CEP68: variants seen among roughly 807,000 people sequenced by gnomAD.
CEP68 encodes the protein centrosomal protein 68, also known as centrosomal protein of 68 kDa.
A neutral mutation model predicts 55.3 loss-of-function variants in CEP68; 26 were observed. The ratio of observed to expected loss-of-function variants is 0.47; its 90% CI spans 0.34 to 0.65. The LOEUF is 0.65. CEP68 is among the 30% of genes least tolerant of loss of function. The pLI is 0.01. For missense variants in CEP68, 957 were observed against 946.7 expected (o/e 1.01, Z -0.14); for synonymous variants, 402 against 383.2 (o/e 1.05, Z -0.57).
At chr2:65,066,059 G>A (rs1397125759) in intron 1 of CEP68, among the ~76,000 whole-genome samples, 9 of 152,080 alleles carry the variant, frequency 5.9e-5, no homozygotes, top group Non-Finnish European at 8.8e-5. Context: ...GGTGTAAGGA[G>A]GGAACCAATC....
chr2:65,075,392 G>A (rs1438106763), intron 4 of CEP68: 1 of 152,132 alleles, frequency 6.6e-6, no homozygotes, highest in Non-Finnish European at 1.5e-5. Context: ...CACAGACCGA[G>A]ACCGTCTCAA....
chr2:65,077,935 T>G lies in CEP68; in HGVS notation c.2075T>G (p.Leu692Arg), dbSNP rs376693641. Residue 692 changes from leucine (L) to arginine (R), a missense_variant, in exon 5 of 7, where the codon CTT (leucine) becomes CGT (arginine). Physicochemically the swap from Leu to Arg is moderately radical, Grantham distance 102. Transcript: ENST00000377990. Reference sequence around the variant, plus strand: ...AGTGTCTTACAGAAGGGGGAGATTCTTCTTCAGTGCCTGTTGGAGAACACC... The same window carrying G: ...AGTGTCTTACAGAAGGGGGAGATTCGTCTTCAGTGCCTGTTGGAGAACACC... Reference protein sequence around the residue: ...TESVLQKGEILLQCLLENTPV... With the variant: ...TESVLQKGEIRLQCLLENTPV... The G allele has an allele frequency of 5.0e-6, 8 of 1,613,946 alleles. No individual in the cohort carries two copies. The highest frequency in any genetic ancestry group is 5.9e-6 in the Non-Finnish European group (7 of 1,179,830).
chr2:65,067,918 T>A (rs549717658), intron 1 of CEP68, among the ~76,000 whole-genome samples: 1 of 152,074 alleles, frequency 6.6e-6, no homozygotes, highest in African/African-American at 2.4e-5. Context: ...GGAAGGGCCC[T>A]CTTGGATTCC....
At chr2:65,078,026 G>T in intron 5 of CEP68, 62 bp downstream of exon 5, 1 of 1,269,836 alleles carries the variant, frequency 7.9e-7, no homozygotes, top group South Asian at 1.3e-5. Flanking sequence ...CAGGCCCAGG[G>T]ACCGCACTAT....
Position 65,084,245 on chromosome 2 carries a change from T to C in CEP68, c.*611T>C, listed in dbSNP as rs1558571562. 1 of 152,082 alleles carries C rather than the reference T, an allele frequency of 6.6e-6. No individual in the cohort carries two copies. The highest frequency in any genetic ancestry group is 6.6e-5 in the Admixed American group (1 of 15,256). 9.4% of individuals were successfully genotyped at this position (152,082 alleles called of 1,614,324 possible). On this transcript the variant is annotated 3_prime_UTR_variant, in exon 7 of 7. Transcript: ENST00000377990. ...TTGCCATCTTCAGGGCTTACGTCTT[T>C]ACTTTCTTGGCTAACCAGTTTCTTA...
At position 65,086,204 on chromosome 2, in the gene CEP68, C is replaced by G. The variant is rs148010453; in HGVS notation, c.*2570C>G. 5.1e-4 allele frequency: 78 copies of G among 152,350 alleles called. No individual in the cohort carries two copies. The highest frequency in any genetic ancestry group is 1.9e-3 in the African/African-American group (77 of 41,594). The allele number at this position is 152,350 out of a possible 1,614,324, so 9.4% of individuals were successfully genotyped here. On this transcript the variant is annotated 3_prime_UTR_variant, in exon 7 of 7. Coordinates refer to ENST00000377990, the MANE Select transcript of CEP68 (RefSeq NM_015147.3). ...GGTCGAAGAATAGGAAATTACTGCTCAGACCACAATGACTATCATTCTGAA... is the reference window on the plus strand; with the variant it reads ...GGTCGAAGAATAGGAAATTACTGCTGAGACCACAATGACTATCATTCTGAA...
At chr2:65,078,572 CT>C (rs1676868249) in intron 5 of CEP68, among the ~76,000 whole-genome samples, 1 of 152,182 alleles carries the variant, frequency 6.6e-6, no homozygotes, top group Admixed American at 6.5e-5. Context: ...GAGTTTCGCT[CT>C]TGTTGCCAAG....
At position 65,072,084 on chromosome 2, in the gene CEP68, C is replaced by T. The variant is rs1397926853; in HGVS notation, c.988C>T (p.Gln330Ter). 6.2e-7 allele frequency: 1 copy of T among 1,613,956 alleles called. No individual in the cohort carries two copies. Among genetic ancestry groups the T allele is most frequent in the Non-Finnish European group, 8.5e-7 (1 of 1,180,014 alleles). ...CCGTGTGCCAGCTGACCCTGTCCTG[C>T]AGGACTCCGGGGTAGACCTGGATAG... ...DSRVPADPVL[Q>*]DSGVDLDSFS... Residue 330 changes from glutamine to a stop codon, truncating the protein, a stop_gained, in exon 3 of 7, where the codon CAG becomes TAG. Transcript: ENST00000377990. LOFTEE classifies it high-confidence loss of function.
chr2:65,081,100 A>G (rs1434409327), intron 5 of CEP68, among the ~76,000 whole-genome samples: 2 of 151,672 alleles, frequency 1.3e-5, no homozygotes, highest in Non-Finnish European at 2.9e-5. Context: ...AATTCCAACT[A>G]CTGGGGAGGA....
intron 1 of CEP68, among the ~76,000 whole-genome samples, chr2:65,068,653 C>G (rs1676310504): frequency 6.6e-6 from 1 of 152,024 alleles, no homozygotes; most frequent in Admixed American, 6.6e-5. Context: ...ATGGTGAAAC[C>G]CTGTCTCTAC....
intron 1 of CEP68, among the ~76,000 whole-genome samples, chr2:65,056,927 G>C (rs1277353392): frequency 6.6e-6 from 1 of 152,224 alleles, no homozygotes; most frequent in Non-Finnish European, 1.5e-5. Context: ...GGCCTCTCCC[G>C]GGCGTGGGCT....
rs1676498166 is a variant in CEP68, at chr2:65,072,072, G to C, written c.976G>C (p.Asp326His). ...PKHLDSRVPA[D>H]PVLQDSGVDL... ...GCACCTTGATAGCCGTGTGCCAGCT[G>C]ACCCTGTCCTGCAGGACTCCGGGGT... The change falls in exon 3 of 7, where the codon GAC becomes CAC. Residue 326 changes from aspartate to histidine, a missense_variant. Physicochemically the swap from Asp to His is moderately conservative, Grantham distance 81. Coordinates refer to ENST00000377990, the MANE Select transcript of CEP68 (RefSeq NM_015147.3). The C allele has an allele frequency of 1.9e-6, 3 of 1,613,974 alleles. No individual in the cohort carries two copies. The highest frequency in any genetic ancestry group is 2.5e-6 in the Non-Finnish European group (3 of 1,179,996).
chr2:65,072,551 C>T lies in CEP68; in HGVS notation c.1455C>T (p.Leu485=), dbSNP rs752833391. The T allele has an allele frequency of 4.3e-6, 7 of 1,614,066 alleles. No homozygotes were observed. The highest frequency in any genetic ancestry group is 2.2e-5 in the East Asian group (1 of 44,882). ...AAAGTGATGACGAGTATCTTGCCCT[C>T]CCCGCTCGGCTGACACAGGTTTCTA... The part of the protein sequence containing the change: ...EVESDDEYLA[L]PARLTQVSSL... The change falls in exon 3 of 7, where the codon CTC becomes CTT. Residue 485 remains leucine, a synonymous_variant. Transcript: ENST00000377990.
At position 65,072,701 on chromosome 2, in the gene CEP68, C is replaced by G. The variant is rs765627153; in HGVS notation, c.1605C>G (p.Ser535Arg). The G allele has an allele frequency of 1.2e-6, 2 of 1,614,164 alleles. No homozygotes were observed. Among genetic ancestry groups the G allele is most frequent in the East Asian group, 2.2e-5 (1 of 44,882 alleles). Reference sequence around the variant, plus strand: ...CAGCTTCCTTCCCTTCAAGCTCCAGCCAAAGCCAGCTTCCCCCTGGAGCTG... The same window carrying G: ...CAGCTTCCTTCCCTTCAAGCTCCAGGCAAAGCCAGCTTCCCCCTGGAGCTG... ...DGPASFPSSSSQSQLPPGAAL... is the reference protein window; with the variant it reads ...DGPASFPSSSRQSQLPPGAAL... Residue 535 changes from serine (S) to arginine (R), a missense_variant, in exon 3 of 7, where the codon AGC (serine) becomes AGG (arginine). By Grantham distance (110) the Ser-to-Arg change is moderately radical. Transcript: ENST00000377990.
chr2:65,077,098 C>T (rs1676802585), intron 4 of CEP68, among the ~76,000 whole-genome samples: 4 of 147,530 alleles, frequency 2.7e-5, no homozygotes, highest in East Asian at 4.1e-4. Context: ...CAGGTTCAAG[C>T]GATTCTCCTG....
Position 65,072,695 on chromosome 2 carries a change from C to G in CEP68, c.1599C>G (p.Ser533Arg), listed in dbSNP as rs1391912328. 7 of 1,614,028 alleles carry G rather than the reference C, an allele frequency of 4.3e-6. No homozygotes were observed. In the East Asian group the frequency reaches 1.6e-4, roughly 36 times the overall value. ...DSDGPASFPS[S>R]SSQSQLPPGA... ...ATGGGCCAGCTTCCTTCCCTTCAAG[C>G]TCCAGCCAAAGCCAGCTTCCCCCTG... is the stretch of plus-strand genomic sequence containing the variant. The change falls in exon 3 of 7, where the codon AGC becomes AGG. Residue 533 changes from serine (S) to arginine (R), a missense_variant. Ser to Arg is a moderately radical substitution (Grantham distance 110, BLOSUM62 -1). Transcript: ENST00000377990.
chr2:65,082,125 C>G (rs760236416), intron 5 of CEP68, among the ~76,000 whole-genome samples: 8 of 152,224 alleles, frequency 5.3e-5, no homozygotes, highest in Non-Finnish European at 1.2e-4. Context: ...ACTGATAGAC[C>G]TGGTAGCAGG....
rs544368607 is a variant in CEP68, at chr2:65,065,964, A to AAC, written c.-46-3434_-46-3433insCA. ...AACCGAGACTTCATCTTAAAAAAAA[A>AAC]AAAAAAAACACAAGATTATGATTTA... On this transcript the variant is annotated intron_variant, in intron 1 of 6. Coordinates refer to ENST00000377990, the MANE Select transcript of CEP68 (RefSeq NM_015147.3). Among the ~76,000 whole-genome samples, 287 of 152,020 alleles carry AAC rather than the reference A, an allele frequency of 1.9e-3. 1 individual carries two copies. The highest frequency in any genetic ancestry group is 6.6e-3 in the African/African-American group (273 of 41,424).
intron 1 of CEP68, among the ~76,000 whole-genome samples, chr2:65,059,195 A>G (rs972312657): frequency 6.6e-6 from 1 of 152,142 alleles, no homozygotes; most frequent in South Asian, 2.1e-4. Flanking sequence ...AGCCCAAGAA[A>G]TGTTCCTGTT....
Sources: gnomAD v4.1 joint callset for allele counts (sites outside exome capture counted in the v4.1 genomes callset) on GRCh38, gnomAD v4.1.1 for gene constraint, MANE v1.5 for transcripts, NCBI Gene and HGNC (gene_info 2026-07-23, HGNC 2026-07-21) for gene names.